The following OPCML variants were observed in gnomAD, a reference collection of about 807,000 sequenced individuals.
OPCML encodes opioid-binding protein/cell adhesion molecule.
In OPCML, 13 loss-of-function variants were observed where a neutral mutation model predicts 37.8. The ratio of observed to expected loss-of-function variants is 0.34; its 90% CI spans 0.22 to 0.55. OPCML has a LOEUF of 0.55. Ranked by LOEUF, OPCML falls within the 20% of genes least tolerant of loss-of-function variation. OPCML has a pLI of 0.91. For missense variants in OPCML, 341 were observed against 435.6 expected, an observed-to-expected ratio of 0.78 and a Z score of 1.93; for synonymous variants, 176 against 168.8, an observed-to-expected ratio of 1.04 and a Z score of -0.33.
At chr11:133,014,915 T>A (rs1947291781) in intron 1 of OPCML, among the ~76,000 whole-genome samples, 1 of 152,080 alleles carries the variant, frequency 6.6e-6, no homozygotes. Flanking sequence ...TCTCCCAAAT[T>A]CCCACAGACA....
chr11:133,020,067 G>A (rs189660815), intron 1 of OPCML, among the ~76,000 whole-genome samples: 106 of 152,338 alleles, frequency 7.0e-4, no homozygotes, highest in South Asian at 5.4e-3. Context: ...GGATGCGGTC[G>A]GAATGAGCTG....
chr11:133,001,848 T>C (rs1282427051), intron 1 of OPCML, among the ~76,000 whole-genome samples: 1 of 152,246 alleles, frequency 6.6e-6, no homozygotes, highest in Admixed American at 6.5e-5. Flanking sequence ...AGGGATGTGC[T>C]TGACAAAATC....
chr11:133,263,878 G>T (rs529482330), intron 1 of OPCML, among the ~76,000 whole-genome samples: 1 of 152,168 alleles, frequency 6.6e-6, no homozygotes, highest in Admixed American at 6.5e-5. Flanking sequence ...CAAGCTAAAC[G>T]TGGAGTTATT....
intron 1 of OPCML, among the ~76,000 whole-genome samples, chr11:133,267,331 T>C (rs1941691229): frequency 6.6e-6 from 1 of 152,178 alleles, no homozygotes; most frequent in African/African-American, 2.4e-5. Flanking sequence ...TGGAAATGAT[T>C]CAATTTCCCA....
At chr11:133,438,495 A>C (rs1303210800) in intron 1 of OPCML, among the ~76,000 whole-genome samples, 1 of 152,236 alleles carries the variant, frequency 6.6e-6, no homozygotes, top group Non-Finnish European at 1.5e-5. Context: ...ATGCAGTTAC[A>C]TGTGGAGTAC....
chr11:132,645,886 C>T (rs957613666), intron 3 of OPCML, among the ~76,000 whole-genome samples: 4 of 152,266 alleles, frequency 2.6e-5, no homozygotes, highest in African/African-American at 7.2e-5. Context: ...TTTCCGTCAT[C>T]GCGGAAAGGT....
chr11:133,112,716 T>C (rs1371206783), intron 1 of OPCML, among the ~76,000 whole-genome samples: 1 of 152,166 alleles, frequency 6.6e-6, no homozygotes, highest in Admixed American at 6.5e-5. Context: ...TTCGTCTTTC[T>C]CTCACACTGT....
intron 1 of OPCML, among the ~76,000 whole-genome samples, chr11:133,210,975 C>T (rs555216557): frequency 1.3e-5 from 2 of 152,160 alleles, no homozygotes; most frequent in African/African-American, 2.4e-5. Flanking sequence ...AATCCCTTTA[C>T]TCCCGTAAGA....
chr11:133,055,183 C>T (rs1188322753), intron 1 of OPCML, among the ~76,000 whole-genome samples: 1 of 139,734 alleles, frequency 7.2e-6, no homozygotes, highest in African/African-American at 2.7e-5. Context: ...ATGCTGCCTC[C>T]ATGATACTTC....
At chr11:133,497,774 G>A (rs565810829) in intron 1 of OPCML, among the ~76,000 whole-genome samples, 1 of 152,202 alleles carries the variant, frequency 6.6e-6, no homozygotes, top group Non-Finnish European at 1.5e-5. Flanking sequence ...GCAAAAGGCT[G>A]CAAACTGTCT....
chr11:132,478,516 ATCT>A (rs1362536093), intron 4 of OPCML, among the ~76,000 whole-genome samples: 4 of 152,326 alleles, frequency 2.6e-5, no homozygotes, highest in South Asian at 4.1e-4. Flanking sequence ...CACATCAAAG[ATCT>A]TCTTGTTCTA....
At chr11:133,242,544 C>T (rs1479181405) in intron 1 of OPCML, among the ~76,000 whole-genome samples, 2 of 152,174 alleles carry the variant, frequency 1.3e-5, no homozygotes, top group Non-Finnish European at 2.9e-5. Flanking sequence ...TGGGGTCTTT[C>T]TTTGTGCAGG....
At chr11:132,735,593 C>T (rs150498455) in intron 2 of OPCML, among the ~76,000 whole-genome samples, 1 of 152,102 alleles carries the variant, frequency 6.6e-6, no homozygotes, top group Non-Finnish European at 1.5e-5. Flanking sequence ...ACACCACTCT[C>T]CTACCTCAGC....
At chr11:132,937,214 C>A (rs1490446505) in intron 2 of OPCML, among the ~76,000 whole-genome samples, 1 of 152,086 alleles carries the variant, frequency 6.6e-6, no homozygotes, top group Non-Finnish European at 1.5e-5. Flanking sequence ...GACCGGCTCC[C>A]CAGCTCCCTC....
Position 132,571,426 on chromosome 11 carries a change from C to T in OPCML, c.380-42240G>A, listed in dbSNP as rs564722353. Among the ~76,000 whole-genome samples, 79 of 152,254 alleles carry T rather than the reference C, an allele frequency of 5.2e-4. 1 individual carries two copies. The highest frequency in any genetic ancestry group is 1.9e-3 in the African/African-American group (77 of 41,558). ...TATTACTTTTGTCCCTCTGGAGAAC[C>T]CTGACTAATATACCTTAGCTTCCAG... On this transcript the variant is annotated intron_variant, in intron 3 of 7. Coordinates refer to ENST00000524381, the MANE Select transcript of OPCML (RefSeq NM_001012393.5).
intron 3 of OPCML, among the ~76,000 whole-genome samples, chr11:132,611,787 T>A (rs750538464): frequency 6.6e-6 from 1 of 152,108 alleles, no homozygotes; most frequent in Middle Eastern, 3.2e-3. Flanking sequence ...AGTAATTTAA[T>A]TGGAGGCAGT....
At chr11:132,472,101 C>T (rs962658406) in intron 4 of OPCML, among the ~76,000 whole-genome samples, 3 of 152,158 alleles carry the variant, frequency 2.0e-5, no homozygotes, top group African/African-American at 7.2e-5. Context: ...AGTCGTCTTC[C>T]TGACAAATAT....
intron 1 of OPCML, among the ~76,000 whole-genome samples, chr11:133,161,830 T>A (rs2137218819): frequency 6.6e-6 from 1 of 152,164 alleles, no homozygotes; most frequent in Admixed American, 6.5e-5. Context: ...TGAATAATAT[T>A]TTGACACAGA....
intron 1 of OPCML, among the ~76,000 whole-genome samples, chr11:132,955,935 T>C (rs1945969447): frequency 6.6e-6 from 1 of 152,180 alleles, no homozygotes; most frequent in Non-Finnish European, 1.5e-5. Flanking sequence ...TCAACATTCA[T>C]TGCTGTATTA....
Sources: gnomAD v4.1 joint callset for allele counts (sites outside exome capture counted in the v4.1 genomes callset) on GRCh38, gnomAD v4.1.1 for gene constraint, MANE v1.5 for transcripts, NCBI Gene and HGNC (gene_info 2026-07-23, HGNC 2026-07-21) for gene names.